Variants in TPST2 observed in about 807,000 individuals in gnomAD.
TPST2 encodes tyrosylprotein sulfotransferase 2, also known as protein-tyrosine sulfotransferase 2.
TPST2 carries 16 observed loss-of-function variants against 27.8 expected under a neutral mutation model. That is an observed-to-expected ratio of 0.58 (90% confidence interval 0.39 to 0.88). TPST2 has a LOEUF of 0.88. TPST2 is among the 40% of genes least tolerant of loss of function. The pLI, the probability that TPST2 is intolerant of heterozygous loss-of-function variation, is 0.00. For missense variants in TPST2, 464 were observed against 543.1 expected, an observed-to-expected ratio of 0.85 and a Z score of 1.45; for synonymous variants, 229 against 231.7, an observed-to-expected ratio of 0.99 and a Z score of 0.10.
Position 26,536,669 on chromosome 22 carries a change from A to G in TPST2, c.843-183T>C, listed in dbSNP as rs1311027317. Among the ~76,000 whole-genome samples the G allele has an allele frequency of 3.3e-5, 5 of 152,156 alleles. No individual in the cohort carries two copies. In the South Asian group the frequency reaches 1.0e-3, roughly 32 times the overall value. Reference sequence around the variant, plus strand: ...TTGCCTCCTCATACCTCCTTTGTACAATGGGAACACAGCATGCAGTGAGAA... The same window carrying G: ...TTGCCTCCTCATACCTCCTTTGTACGATGGGAACACAGCATGCAGTGAGAA... On this transcript the variant is annotated intron_variant, in intron 3 of 6. Coordinates refer to ENST00000338754, the MANE Select transcript of TPST2 (RefSeq NM_003595.5).
intron 1 of TPST2, chr22:26,555,466 T>C (rs1203578858): frequency 2.8e-6 from 1 of 352,336 alleles, no homozygotes; most frequent in Admixed American, 3.9e-5. Context: ...TGAGCCTCAC[T>C]CACCTGTTAT....
At chr22:26,558,091 TA>T (rs1415326493) in intron 1 of TPST2, among the ~76,000 whole-genome samples, 5 of 146,724 alleles carry the variant, frequency 3.4e-5, no homozygotes, top group African/African-American at 2.5e-5. Context: ...ATATATTGTA[TA>T]AAAATTATTA....
intron 3 of TPST2, among the ~76,000 whole-genome samples, chr22:26,538,482 G>C (rs1569179891): frequency 6.6e-6 from 1 of 152,244 alleles, no homozygotes. Flanking sequence ...GGAATGTGAA[G>C]TCGAATATGG....
intron 1 of TPST2, among the ~76,000 whole-genome samples, chr22:26,545,935 C>T (rs1325481070): frequency 6.6e-6 from 1 of 151,966 alleles, no homozygotes; most frequent in East Asian, 1.9e-4. Flanking sequence ...AAAAGTTATC[C>T]AGGTGATGGT....
At chr22:26,547,984 C>G (rs984565092) in intron 1 of TPST2, among the ~76,000 whole-genome samples, 4 of 152,192 alleles carry the variant, frequency 2.6e-5, no homozygotes, top group Admixed American at 6.5e-5. Context: ...TGGGCCCAGA[C>G]TGCTTGGGTT....
At chr22:26,577,573 A>T (rs552910980) in intron 1 of TPST2, among the ~76,000 whole-genome samples, 11 of 149,760 alleles carry the variant, frequency 7.3e-5, no homozygotes, top group East Asian at 2.0e-4. Context: ...ATGGTCTCGA[A>T]CTCCTGACCT....
intron 1 of TPST2, among the ~76,000 whole-genome samples, chr22:26,572,060 T>A (rs921781167): frequency 6.6e-6 from 1 of 152,098 alleles, no homozygotes; most frequent in Non-Finnish European, 1.5e-5. Flanking sequence ...TCAGACCCCT[T>A]CTCCAGCCCC....
chr22:26,528,626 A>G (rs1924973295), intron 5 of TPST2, among the ~76,000 whole-genome samples: 1 of 152,138 alleles, frequency 6.6e-6, no homozygotes, highest in Non-Finnish European at 1.5e-5. Context: ...AATAATAAAT[A>G]TTTGTTCATT....
chr22:26,555,391 G>C (rs1926738871), intron 1 of TPST2: 1 of 382,430 alleles, frequency 2.6e-6, no homozygotes, highest in Admixed American at 3.2e-5. Flanking sequence ...CCTAAAGTTG[G>C]ACAGACCCAG....
At chr22:26,542,950 A>G (rs1602264714) in intron 2 of TPST2, among the ~76,000 whole-genome samples, 1 of 152,218 alleles carries the variant, frequency 6.6e-6, no homozygotes, top group East Asian at 1.9e-4. Context: ...GGCTATAGCA[A>G]GTGGAAAATA....
In TPST2 at chr22:26,541,269, A is replaced by G. The variant is rs896000993; in HGVS notation, c.362T>C (p.Leu121Pro). The G allele has an allele frequency of 5.2e-6, 8 of 1,537,694 alleles. No individual in the cohort carries two copies. Among genetic ancestry groups the G allele is most frequent in the Non-Finnish European group, 7.0e-6 (8 of 1,140,556 alleles). ...CGTCACCCCCGCCTCATCCAGCCGC[A>G]GCTTCTCACGGCCAGACTTGGACCA... ...QAWSKSGREKLRLDEAGVTDE... is the reference protein window; with the variant it reads ...QAWSKSGREKPRLDEAGVTDE... Residue 121 changes from leucine to proline, a missense_variant, in exon 3 of 7, where the codon CTG becomes CCG. Leu to Pro is a moderately conservative substitution (Grantham distance 98, BLOSUM62 -3). Coordinates refer to ENST00000338754, the MANE Select transcript of TPST2 (RefSeq NM_003595.5). The surrounding 1 kb of genome is among the most constrained non-coding windows in gnomAD (Gnocchi z 5.9).
intron 1 of TPST2, among the ~76,000 whole-genome samples, chr22:26,550,048 A>AC (rs1181060907): frequency 1.6e-5 from 2 of 126,164 alleles, no homozygotes; most frequent in Admixed American, 1.5e-4. Context: ...TCAAAAAAAA[A>AC]AACAAAAAAA....
chr22:26,582,967 G>C (rs1928174000), intron 1 of TPST2, among the ~76,000 whole-genome samples: 1 of 151,988 alleles, frequency 6.6e-6, no homozygotes, highest in Non-Finnish European at 1.5e-5. Flanking sequence ...CCCACACAGG[G>C]AGTATGCAAT....
chr22:26,561,697 C>T (rs1279722688), intron 1 of TPST2, among the ~76,000 whole-genome samples: 1 of 152,136 alleles, frequency 6.6e-6, no homozygotes, highest in East Asian at 1.9e-4. Context: ...ATCATTATTA[C>T]TATTATTAGT....
At chr22:26,577,095 C>CAAAAAAA (rs34865016) in intron 1 of TPST2, among the ~76,000 whole-genome samples, 2 of 75,524 alleles carry the variant, frequency 2.6e-5, no homozygotes, top group African/African-American at 5.1e-5. Flanking sequence ...GACTCTGTTG[C>CAAAAAAA]AAAAAAAAAA....
intron 5 of TPST2, among the ~76,000 whole-genome samples, chr22:26,531,037 A>G (rs536541094): frequency 1.4e-4 from 22 of 152,080 alleles, no homozygotes; most frequent in Admixed American, 1.4e-3. Context: ...CAAAAACAAA[A>G]GGGTTGGGCC....
At chr22:26,554,882 G>A (rs1259941775) in intron 1 of TPST2, among the ~76,000 whole-genome samples, 3 of 152,226 alleles carry the variant, frequency 2.0e-5, no homozygotes, top group Admixed American at 6.5e-5. Flanking sequence ...AGGTTGCAGT[G>A]AGCCAAGATG....
chr22:26,571,964 T>A (rs144385846), intron 1 of TPST2, among the ~76,000 whole-genome samples: 3 of 152,196 alleles, frequency 2.0e-5, no homozygotes, highest in Admixed American at 6.5e-5. Context: ...TATGGTGGCA[T>A]GTCACCCCCG....
intron 4 of TPST2, among the ~76,000 whole-genome samples, chr22:26,533,950 T>C (rs144090891): frequency 6.6e-6 from 1 of 152,338 alleles, no homozygotes; most frequent in African/African-American, 2.4e-5. Context: ...GCTAGGATTA[T>C]AGACATGAGC....
Sources: allele counts gnomAD v4.1 joint callset (sites outside exome capture counted in the v4.1 genomes callset), GRCh38; gene constraint gnomAD v4.1.1; non-coding constraint Gnocchi (gnomAD v3.1); transcripts MANE v1.5; gene names NCBI Gene and HGNC (gene_info 2026-07-23, HGNC 2026-07-21).